Variants in GOLGA4 observed in about 807,000 individuals in gnomAD.
GOLGA4 encodes golgin subfamily A member 4.
Under a neutral mutation model 265.9 loss-of-function variants are expected in GOLGA4, and 169 were observed. That is an observed-to-expected ratio of 0.64 (90% CI 0.56 to 0.72). GOLGA4 has a LOEUF of 0.72. GOLGA4 is among the 30% of genes least tolerant of loss of function. The pLI is 0.00. For missense variants in GOLGA4, 2,482 were observed against 2,483.4 expected, an observed-to-expected ratio of 1.00 and a Z score of 0.01; for synonymous variants, 923 against 855.8, an observed-to-expected ratio of 1.08 and a Z score of -1.37.
In GOLGA4 at chr3:37,243,327, C is replaced by T. The variant is rs578261830; in HGVS notation, c.-224C>T. ...CGGCTCCCGGGGCTGGATGGGGGGCCGAGGCCAGCCAGTGGCACCCGGAAG... is the reference window on the plus strand; with the variant it reads ...CGGCTCCCGGGGCTGGATGGGGGGCTGAGGCCAGCCAGTGGCACCCGGAAG... On this transcript the variant is annotated 5_prime_UTR_variant, in exon 1 of 24. It introduces an in-frame stop codon into an upstream open reading frame of the 5' UTR. Coordinates refer to ENST00000361924, the MANE Select transcript of GOLGA4 (RefSeq NM_002078.5). 3.5e-6 allele frequency: 2 copies of T among 570,826 alleles called. No individual in the cohort carries two copies. Among genetic ancestry groups the T allele is most frequent in the East Asian group, 3.1e-5 (1 of 32,338 alleles). 35.4% of individuals were successfully genotyped at this position (570,826 alleles called of 1,614,324 possible). A position where few individuals can be genotyped will look rare whatever the true frequency, so the allele number is the denominator to read the frequency against.
chr3:37,255,729 A>G (rs1489994062), intron 2 of GOLGA4, among the ~76,000 whole-genome samples: 2 of 144,722 alleles, frequency 1.4e-5, no homozygotes, highest in African/African-American at 2.6e-5. Context: ...CTAAATTTCC[A>G]CATTTTCTTT....
chr3:37,321,297 G>A (rs1185421149), intron 12 of GOLGA4, among the ~76,000 whole-genome samples: 1 of 152,086 alleles, frequency 6.6e-6, no homozygotes, highest in African/African-American at 2.4e-5. Flanking sequence ...GTAATCTTCT[G>A]ATTTCAGTTT....
At chr3:37,342,995 G>A (rs2097042346) in intron 20 of GOLGA4, among the ~76,000 whole-genome samples, 1 of 152,174 alleles carries the variant, frequency 6.6e-6, no homozygotes, top group Non-Finnish European at 1.5e-5. Flanking sequence ...CACTTCCTGG[G>A]TTCAAGCGAT....
intron 10 of GOLGA4, 38 bp downstream of exon 10, chr3:37,302,370 C>T (rs753569885): frequency 1.3e-6 from 2 of 1,567,218 alleles, no homozygotes; most frequent in Admixed American, 1.8e-5. Flanking sequence ...TGTTGGAACT[C>T]AAAAGTTATT....
At chr3:37,320,590 A>G (rs890943442) in intron 12 of GOLGA4, among the ~76,000 whole-genome samples, 9 of 152,242 alleles carry the variant, frequency 5.9e-5, no homozygotes, top group African/African-American at 2.2e-4. Context: ...GATCCAGAAA[A>G]GAATTAAAGC....
Position 37,282,143 on chromosome 3 carries a change from A to G in GOLGA4, c.348A>G (p.Pro116=). 1 of 1,614,122 alleles carries G rather than the reference A, an allele frequency of 6.2e-7. No homozygotes were observed. The highest frequency in any genetic ancestry group is 8.5e-7 in the Non-Finnish European group (1 of 1,179,990). The change falls in exon 3 of 24, where the codon CCA becomes CCG. Residue 116 remains proline, a synonymous_variant. Transcript: ENST00000361924. ...ACAGTTCTACTGCCAGTTTTGATCC[A>G]CCCTCTGATATGGATAGCGAGGCTG... The part of the protein sequence containing the change: ...DLDSSTASFD[P]PSDMDSEAED...
Position 37,311,333 on chromosome 3 carries a change from C to T in GOLGA4, c.1235-4087C>T, listed in dbSNP as rs6762283. On this transcript the variant is annotated intron_variant, in intron 10 of 23. Transcript: ENST00000361924. The stretch of plus-strand genomic sequence containing the variant: ...GGCCAGTTAACATTTCCTTAAAGCA[C>T]GATGGGGAGGCAGAAAGCAGTGAGT... Among the ~76,000 whole-genome samples the T allele has an allele frequency of 4.8e-3, 738 of 152,176 alleles. 2 individuals are homozygous for T. Among genetic ancestry groups the T allele is most frequent in the African/African-American group, 0.017 (695 of 41,494 alleles).
At chr3:37,300,736 C>T (rs28626857) in intron 9 of GOLGA4, among the ~76,000 whole-genome samples, 2,103 of 152,098 alleles carry the variant, frequency 0.014, 46 homozygotes, top group African/African-American at 0.049. Flanking sequence ...ATTATTTTTA[C>T]AATACTATAA....
At chr3:37,272,656 CTG>C (rs1431525527) in intron 2 of GOLGA4, among the ~76,000 whole-genome samples, 3 of 152,198 alleles carry the variant, frequency 2.0e-5, no homozygotes, top group African/African-American at 4.8e-5. Flanking sequence ...GTTTGCAAAA[CTG>C]AGCACCTTTT....
Position 37,298,018 on chromosome 3 carries a change from G to A in GOLGA4, c.815-815G>A, listed in dbSNP as rs181599593. 6.5e-3 allele frequency among the ~76,000 whole-genome samples: 983 copies of A among 151,918 alleles called. 14 individuals carry two copies. Among genetic ancestry groups the A allele is most frequent in the African/African-American group, 0.022 (918 of 41,426 alleles). On this transcript the variant is annotated intron_variant, in intron 7 of 23. Transcript: ENST00000361924. Reference sequence around the variant, plus strand: ...CACTCCAGTCTGGGCGGCAAAGCGAGGCTCCGTCTCAAAAAAAAAAAGAGG... The same window carrying A: ...CACTCCAGTCTGGGCGGCAAAGCGAAGCTCCGTCTCAAAAAAAAAAAGAGG...
intron 22 of GOLGA4, 108 bp downstream of exon 22, chr3:37,355,295 A>G (rs1234549820): frequency 7.6e-6 from 5 of 655,304 alleles, no homozygotes; most frequent in South Asian, 1.8e-5. Flanking sequence ...AAGATTTCAA[A>G]TCTTTATTAT....
At chr3:37,244,334 G>A (rs1193458285) in intron 1 of GOLGA4, among the ~76,000 whole-genome samples, 5 of 152,250 alleles carry the variant, frequency 3.3e-5, no homozygotes, top group Admixed American at 2.6e-4. Context: ...TGCTTTTTAA[G>A]TCTTGCTGCT....
intron 17 of GOLGA4, among the ~76,000 whole-genome samples, chr3:37,336,368 C>T (rs2097012734): frequency 6.6e-6 from 1 of 151,938 alleles, no homozygotes; most frequent in African/African-American, 2.4e-5. Flanking sequence ...CATATAGTAA[C>T]ATTTTAACTT....
chr3:37,361,853 G>A (rs1459734460), intron 23 of GOLGA4, among the ~76,000 whole-genome samples: 2 of 152,208 alleles, frequency 1.3e-5, no homozygotes, highest in African/African-American at 4.8e-5. Context: ...GAGACCGTTA[G>A]GCAGCCTACT....
rs1044886979 is a variant in GOLGA4, at chr3:37,345,674, C to T, written c.6473-1519C>T. Among the ~76,000 whole-genome samples, 10 of 152,294 alleles carry T rather than the reference C, an allele frequency of 6.6e-5. No homozygotes were observed. The South Asian group carries it at 2.1e-3, about 32-fold the overall frequency. Reference sequence around the variant, plus strand: ...CAAGTATTGAAAAATAATATTAATTCTGTCTCCTGGAAAATAGCTATCCCA... The same window carrying T: ...CAAGTATTGAAAAATAATATTAATTTTGTCTCCTGGAAAATAGCTATCCCA... On this transcript the variant is annotated intron_variant, in intron 20 of 23. Coordinates refer to ENST00000361924, the MANE Select transcript of GOLGA4 (RefSeq NM_002078.5).
At chr3:37,275,710 C>T (rs1329412288) in intron 2 of GOLGA4, 1 of 1,612,042 alleles carries the variant, frequency 6.2e-7, no homozygotes, top group Non-Finnish European at 8.5e-7. Context: ...ACGAAGTGGT[C>T]CGCTTTGCCA....
intron 23 of GOLGA4, among the ~76,000 whole-genome samples, chr3:37,365,040 C>G (rs1363287300): frequency 6.6e-6 from 1 of 152,108 alleles, no homozygotes; most frequent in Non-Finnish European, 1.5e-5. Context: ...GGACTACAGA[C>G]ACACACCATC....
chr3:37,260,553 T>C (rs908074453), intron 2 of GOLGA4, among the ~76,000 whole-genome samples: 4 of 151,830 alleles, frequency 2.6e-5, no homozygotes, highest in African/African-American at 7.3e-5. Context: ...GGAGAATCGC[T>C]TGAACCTGGG....
chr3:37,334,523 A>G (rs888905967), intron 16 of GOLGA4, among the ~76,000 whole-genome samples: 2 of 152,138 alleles, frequency 1.3e-5, no homozygotes, highest in Non-Finnish European at 2.9e-5. Flanking sequence ...AGAAAAACTG[A>G]AAACCCCGTA....
Sources: gnomAD v4.1 joint callset for allele counts (sites outside exome capture counted in the v4.1 genomes callset) on GRCh38, gnomAD v4.1.1 for gene constraint, MANE v1.5 for transcripts, NCBI Gene and HGNC (gene_info 2026-07-23, HGNC 2026-07-21) for gene names.